SPATC1: variants seen among roughly 807,000 people sequenced by gnomAD.
SPATC1 encodes spermatogenesis and centriole associated 1, also known as speriolin.
Under a neutral mutation model 36.5 loss-of-function variants are expected in SPATC1, and 35 were observed. That is an observed-to-expected ratio of 0.96 (90% CI 0.73 to 1.27). The LOEUF is 1.27. Among genes scored for constraint, SPATC1 ranks in the 50% most tolerant of loss-of-function variants. SPATC1 has a pLI of 0.00. For synonymous variants in SPATC1, 361 were observed against 353.6 expected (o/e 1.02, Z -0.24); for missense variants, 779 against 796.0 (o/e 0.98, Z 0.26).
chr8:144,025,287 T>A (rs1314240323), intron 1 of SPATC1, among the ~76,000 whole-genome samples: 1 of 152,216 alleles, frequency 6.6e-6, no homozygotes, highest in African/African-American at 2.4e-5. Flanking sequence ...GTTTAAGTGA[T>A]CCTCCCATCT....
At chr8:144,012,889 C>T in intron 1 of SPATC1, 163 bp downstream of exon 1, 1 of 756,254 alleles carries the variant, frequency 1.3e-6, no homozygotes, top group Non-Finnish European at 2.1e-6. Flanking sequence ...GCTTCCTGTC[C>T]TGGAGGAGGC....
chr8:144,030,545 G>A (rs1834773080), intron 1 of SPATC1, among the ~76,000 whole-genome samples: 1 of 152,140 alleles, frequency 6.6e-6, no homozygotes, highest in South Asian at 2.1e-4. Flanking sequence ...TTTTAGTAGA[G>A]ACTGGATTTC....
chr8:144,042,352 T>A (rs1431137003), intron 4 of SPATC1, among the ~76,000 whole-genome samples: 9 of 136,542 alleles, frequency 6.6e-5, no homozygotes, highest in African/African-American at 2.5e-4. Context: ...GGTGTTTTGC[T>A]CTTGTCGCCC....
At chr8:144,019,425 G>A (rs1233123816) in intron 1 of SPATC1, among the ~76,000 whole-genome samples, 4 of 152,228 alleles carry the variant, frequency 2.6e-5, no homozygotes, top group African/African-American at 7.2e-5. Context: ...GGTCAGAGTG[G>A]GTAATCTGAA....
chr8:144,038,605 G>A (rs538976677), intron 1 of SPATC1, among the ~76,000 whole-genome samples: 1 of 152,056 alleles, frequency 6.6e-6, no homozygotes, highest in Non-Finnish European at 1.5e-5. Flanking sequence ...CTCCCGAGTA[G>A]CTGGGACTAC....
In SPATC1 at chr8:144,039,916, C is replaced by G. The variant is rs782452433; in HGVS notation, c.219C>G (p.Phe73Leu). 6.2e-7 allele frequency: 1 copy of G among 1,612,670 alleles called. No individual in the cohort carries two copies. The highest frequency in any genetic ancestry group is 8.5e-7 in the Non-Finnish European group (1 of 1,179,174). Residue 73 changes from phenylalanine (F) to leucine (L), a missense_variant, in exon 2 of 5, where the codon TTC becomes TTG. Physicochemically the swap from Phe to Leu is conservative, Grantham distance 22 (BLOSUM62 0). Transcript: ENST00000377470. ...CTTTCTCTGTGTTCCCAGGTGTCTT[C>G]CTGCCCCCGTCCCCAGCAGTGGCAA... ...GLSSRQNNGV[F>L]LPPSPAVANE...
chr8:144,024,316 C>T (rs1196542925), intron 1 of SPATC1, among the ~76,000 whole-genome samples: 4 of 149,006 alleles, frequency 2.7e-5, no homozygotes, highest in African/African-American at 7.4e-5. Flanking sequence ...TAAACTTCCT[C>T]CCCCAGGACC....
chr8:144,012,795 G>T (rs964271949), intron 1 of SPATC1, 69 bp downstream of exon 1: 52 of 1,505,476 alleles, frequency 3.5e-5, no homozygotes, highest in Non-Finnish European at 4.5e-5. Context: ...GAGACTCAGT[G>T]TGCTGAGGTC....
chr8:144,040,492 A>T, intron 2 of SPATC1, 29 bp downstream of exon 2: 3 of 1,566,302 alleles, frequency 1.9e-6, no homozygotes, highest in Non-Finnish European at 2.6e-6. Flanking sequence ...GGTGGGTGGC[A>T]GAGTGGGGGG....
intron 1 of SPATC1, among the ~76,000 whole-genome samples, chr8:144,039,487 C>G (rs113946121): frequency 7.9e-5 from 12 of 152,216 alleles, no homozygotes; most frequent in African/African-American, 1.2e-4. Context: ...TTCTCTCCAC[C>G]GAAGAACAGA....
At chr8:144,038,241 T>A (rs1298314642) in intron 1 of SPATC1, among the ~76,000 whole-genome samples, 2 of 151,808 alleles carry the variant, frequency 1.3e-5, no homozygotes, top group African/African-American at 2.4e-5. Context: ...AAAACCATCC[T>A]GGTCAACATG....
intron 1 of SPATC1, among the ~76,000 whole-genome samples, chr8:144,019,920 G>C (rs908339729): frequency 7.3e-5 from 11 of 150,484 alleles, no homozygotes; most frequent in Admixed American, 7.3e-4. Context: ...TGCCTCCCCC[G>C]GGGGCTGCGG....
chr8:144,025,332 G>A (rs972906820), intron 1 of SPATC1, among the ~76,000 whole-genome samples: 3 of 152,164 alleles, frequency 2.0e-5, no homozygotes, highest in Non-Finnish European at 2.9e-5. Flanking sequence ...CAGTCGTGAG[G>A]CCAGGTGTCT....
At chr8:144,039,664 G>A (rs1486543255) in intron 1 of SPATC1, among the ~76,000 whole-genome samples, 2 of 152,202 alleles carry the variant, frequency 1.3e-5, no homozygotes, top group African/African-American at 4.8e-5. Context: ...CAGGGCTGGA[G>A]ATGAGGCCTT....
intron 1 of SPATC1, among the ~76,000 whole-genome samples, chr8:144,023,648 T>G (rs1177706603): frequency 0.87 from 3,073 of 3,528 alleles, 1,522 homozygotes; most frequent in Middle Eastern, 1. Flanking sequence ...GAGGAACTTC[T>G]TCCCTCAGGA....
At chr8:144,017,314 C>T (rs1016508503) in intron 1 of SPATC1, among the ~76,000 whole-genome samples, 10 of 152,104 alleles carry the variant, frequency 6.6e-5, no homozygotes, top group Non-Finnish European at 4.4e-5. Context: ...TTTATAGAGT[C>T]GGGTTCTTAT....
chr8:144,039,369 G>A (rs967266603), intron 1 of SPATC1, among the ~76,000 whole-genome samples: 8 of 152,354 alleles, frequency 5.3e-5, no homozygotes, highest in Non-Finnish European at 1.2e-4. Context: ...GCCCCACAGG[G>A]CAGGGACCAT....
At chr8:144,017,433 A>C (rs1834416761) in intron 1 of SPATC1, among the ~76,000 whole-genome samples, 1 of 152,028 alleles carries the variant, frequency 6.6e-6, no homozygotes. Flanking sequence ...TGGTCCAGAG[A>C]CCTGGCCCAA....
chr8:144,042,044 C>T (rs1030824678), intron 4 of SPATC1: 2 of 978,168 alleles, frequency 2.0e-6, no homozygotes, highest in African/African-American at 3.5e-5. Flanking sequence ...ACACTCCAGC[C>T]TGGGCAACAA....
Sources: gnomAD v4.1 joint callset for allele counts (sites outside exome capture counted in the v4.1 genomes callset) on GRCh38, gnomAD v4.1.1 for gene constraint, MANE v1.5 for transcripts, NCBI Gene and HGNC (gene_info 2026-07-23, HGNC 2026-07-21) for gene names.